The following CACNA1B variants were observed in gnomAD, a reference collection of about 807,000 sequenced individuals.
CACNA1B encodes the protein voltage-dependent N-type calcium channel subunit alpha-1B.
In CACNA1B, 70 loss-of-function variants were observed where a neutral mutation model predicts 247.2. That is an observed-to-expected ratio of 0.28 (90% confidence interval 0.23 to 0.35). CACNA1B has a LOEUF of 0.35. CACNA1B is among the 10% of genes least tolerant of loss of function. CACNA1B has a pLI of 1.00. For missense variants in CACNA1B, 2,367 were observed against 3,197.4 expected, an observed-to-expected ratio of 0.74 and a Z score of 6.26; for synonymous variants, 1,231 against 1,294.4, an observed-to-expected ratio of 0.95 and a Z score of 1.05.
intron 18 of CACNA1B, among the ~76,000 whole-genome samples, chr9:138,015,984 A>G (rs1180626827): frequency 6.6e-6 from 1 of 152,074 alleles, no homozygotes; most frequent in Non-Finnish European, 1.5e-5. Flanking sequence ...ACAGACTCAC[A>G]TACACACTTA....
rs1050301930 is a variant in CACNA1B, at chr9:138,057,180, G to A, written c.3969-552G>A. Among the ~76,000 whole-genome samples the A allele has an allele frequency of 6.6e-5, 10 of 151,724 alleles. No homozygotes were observed. Among genetic ancestry groups the A allele is most frequent in the Non-Finnish European group, 1.2e-4 (8 of 67,914 alleles). On this transcript the variant is annotated intron_variant, in intron 26 of 46. Coordinates refer to ENST00000371372, the MANE Select transcript of CACNA1B (RefSeq NM_000718.4). The surrounding 1 kb of genome is among the most constrained non-coding windows in gnomAD (Gnocchi z 4.0). Reference sequence around the variant, plus strand: ...TCTCCATCTCCTGACCTCGTGATCCGCCCGCCTCGGCCTCCCAAAGTGCTG... The same window carrying A: ...TCTCCATCTCCTGACCTCGTGATCCACCCGCCTCGGCCTCCCAAAGTGCTG...
intron 3 of CACNA1B, chr9:137,892,404 G>T (rs1429213252): frequency 1.8e-5 from 8 of 453,758 alleles, no homozygotes; most frequent in Non-Finnish European, 3.1e-5. Context: ...GGCCTGCGGG[G>T]TCCACTGTGG....
chr9:138,091,607 A>G (rs967052926), intron 36 of CACNA1B, among the ~76,000 whole-genome samples: 4 of 152,232 alleles, frequency 2.6e-5, no homozygotes, highest in Non-Finnish European at 4.4e-5. Flanking sequence ...TATGCTAATT[A>G]CTGTGATTTG....
At chr9:138,042,924 G>A (rs1421455172) in intron 20 of CACNA1B, among the ~76,000 whole-genome samples, 1 of 152,180 alleles carries the variant, frequency 6.6e-6, no homozygotes, top group Non-Finnish European at 1.5e-5. Flanking sequence ...AACTCAAAAT[G>A]AGTTGCAGCA....
intron 1 of CACNA1B, 54 bp from the exon 2 acceptor site, chr9:137,879,000 G>C: frequency 8.5e-7 from 1 of 1,174,486 alleles, no homozygotes; most frequent in Non-Finnish European, 1.2e-6. Flanking sequence ...TGCTGGCGTC[G>C]GCCTCGTGTT....
At position 138,112,479 on chromosome 9, in the gene CACNA1B, T is replaced by G; in HGVS notation, c.5510T>G (p.Leu1837Trp). Residue 1837 changes from leucine (L) to tryptophan (W), a missense_variant, in exon 40 of 47, where the codon TTG becomes TGG. By Grantham distance (61) the Leu-to-Trp change is moderately conservative (BLOSUM62 -2). Transcript: ENST00000371372. ...VVWANLPQKT[L>W]DLLVPPHKPD... is the part of the protein sequence containing the mutation. Reference sequence around the variant, plus strand: ...TGGGCCAATCTGCCCCAGAAGACTTTGGACTTGCTGGTACCACCCCATAAG... The same window carrying G: ...TGGGCCAATCTGCCCCAGAAGACTTGGGACTTGCTGGTACCACCCCATAAG... The G allele has an allele frequency of 6.2e-7, 1 of 1,611,848 alleles. No homozygotes were observed. The highest frequency in any genetic ancestry group is 8.5e-7 in the Non-Finnish European group (1 of 1,177,954).
At chr9:137,956,285 T>C (rs576984846) in intron 8 of CACNA1B, among the ~76,000 whole-genome samples, 1 of 152,320 alleles carries the variant, frequency 6.6e-6, no homozygotes, top group South Asian at 2.1e-4. Flanking sequence ...ACAAGGCGGC[T>C]GAGTCCTCTT....
At chr9:138,040,857 A>G (rs1959111509) in intron 20 of CACNA1B, among the ~76,000 whole-genome samples, 1 of 152,132 alleles carries the variant, frequency 6.6e-6, no homozygotes, top group Non-Finnish European at 1.5e-5. Flanking sequence ...CAATCCAATC[A>G]AGTTGACGCT....
chr9:138,043,681 C>G, intron 20 of CACNA1B, 93 bp from the exon 21 acceptor site: 1 of 1,464,390 alleles, frequency 6.8e-7, no homozygotes. Flanking sequence ...GGACCTGACG[C>G]AAGTGCCGGG....
rs201682730 is a variant in CACNA1B at position 138,115,671 on chromosome 9, C to T, written c.5769C>T (p.Gly1923=). ...AGAGTTCCACCTCCCTCAGCAATGG[C>T]GGGGCCATGTGAGTATCCAGATGCA... The part of the protein sequence containing the change: ...RQKSSTSLSN[G]GAIQNQESGI... Residue 1923 remains glycine (G), a synonymous_variant, in exon 42 of 47, where the codon GGC becomes GGT. Coordinates refer to ENST00000371372, the MANE Select transcript of CACNA1B (RefSeq NM_000718.4). 2.0e-5 allele frequency: 33 copies of T among 1,612,490 alleles called. No individual in the cohort carries two copies. The highest frequency in any genetic ancestry group is 7.7e-5 in the South Asian group (7 of 90,878).
chr9:138,006,950 C>A, intron 16 of CACNA1B, 66 bp downstream of exon 16: 1 of 803,310 alleles, frequency 1.2e-6, no homozygotes, highest in Non-Finnish European at 2.2e-6. Context: ...CCATGGCCAC[C>A]ACGCGGATCC....
chr9:138,060,344 C>T (rs569515961), intron 31 of CACNA1B, among the ~76,000 whole-genome samples: 2 of 152,142 alleles, frequency 1.3e-5, no homozygotes, highest in African/African-American at 2.4e-5. Context: ...GAGAAGCAGA[C>T]GCAGACACGA....
intron 36 of CACNA1B, among the ~76,000 whole-genome samples, chr9:138,087,151 T>A (rs1029910787): frequency 1.4e-5 from 2 of 146,666 alleles, no homozygotes; most frequent in Non-Finnish European, 3.0e-5. Context: ...TTTGGGAGGC[T>A]GAAGCGGGCA....
chr9:138,101,035 G>C, intron 37 of CACNA1B: 1 of 468,044 alleles, frequency 2.1e-6, no homozygotes, highest in Non-Finnish European at 4.4e-6. Context: ...CCCATCACAG[G>C]CTGGGCGGGC....
intron 37 of CACNA1B, among the ~76,000 whole-genome samples, chr9:138,097,861 C>T (rs1484230832): frequency 6.6e-6 from 1 of 152,216 alleles, no homozygotes; most frequent in Non-Finnish European, 1.5e-5. Context: ...CCTCCACAGA[C>T]ACAAAAGGCC....
Position 138,058,243 on chromosome 9 carries a change from A to G in CACNA1B, c.4301A>G (p.Lys1434Arg), listed in dbSNP as rs1959584574. 1.2e-6 allele frequency: 2 copies of G among 1,613,138 alleles called. No individual in the cohort carries two copies. Among genetic ancestry groups the G allele is most frequent in the South Asian group, 1.1e-5 (1 of 91,066 alleles). The change falls in exon 28 of 47, where the codon AAG becomes AGG. Residue 1434 changes from lysine (K) to arginine (R), a missense_variant. By Grantham distance (26) the Lys-to-Arg change is conservative. Coordinates refer to ENST00000371372, the MANE Select transcript of CACNA1B (RefSeq NM_000718.4). The surrounding 1 kb of genome is among the most constrained non-coding windows in gnomAD (Gnocchi z 4.7). ...GTGATGTCTGAATGCAGCCTGGAGA[A>G]GAACGAGGTAGGTGGACGCTCTGTG... ...DKVMSECSLE[K>R]NERACIDFAI...
intron 40 of CACNA1B, among the ~76,000 whole-genome samples, chr9:138,113,861 T>C (rs756002898): frequency 0.017 from 601 of 35,770 alleles, 1 homozygote; most frequent in Admixed American, 0.031. Flanking sequence ...CGTGAGGGAG[T>C]GCCGGGAGGT....
chr9:137,978,274 G>A (rs1412768525), intron 12 of CACNA1B, among the ~76,000 whole-genome samples: 2 of 145,834 alleles, frequency 1.4e-5, no homozygotes, highest in Non-Finnish European at 3.0e-5. Context: ...CCCCCAGGAA[G>A]GAGTGACAGG....
At position 138,024,995 on chromosome 9, in the gene CACNA1B, G is replaced by A; in HGVS notation, c.3109G>A (p.Val1037Met). Residue 1037 changes from valine (V) to methionine (M), a missense_variant, in exon 20 of 47, where the codon GTG (valine) becomes ATG (methionine). Around this residue, in one of 12 missense-constraint regions of CACNA1B, gnomAD observed 631 missense variants for 631.1 expected, o/e 1.00. Coordinates refer to ENST00000371372, the MANE Select transcript of CACNA1B (RefSeq NM_000718.4). ...CCTGGAGACCAGTGGGACTGTGACT[G>A]TGGGTCCCATGCACACACTGCCCAG... ...CDLETSGTVT[V>M]GPMHTLPSTC... is the part of the protein sequence containing the mutation. 4.4e-6 allele frequency: 7 copies of A among 1,595,208 alleles called. No homozygotes were observed. Among genetic ancestry groups the A allele is most frequent in the Non-Finnish European group, 6.0e-6 (7 of 1,170,900 alleles).
Sources: allele counts gnomAD v4.1 joint callset (sites outside exome capture counted in the v4.1 genomes callset), GRCh38; gene constraint gnomAD v4.1.1; regional missense constraint gnomAD v4.1.1; non-coding constraint Gnocchi (gnomAD v3.1); transcripts MANE v1.5; gene names NCBI Gene and HGNC (gene_info 2026-07-23, HGNC 2026-07-21).